The following EDIL3 variants were observed in gnomAD, a reference collection of about 807,000 sequenced individuals.
The protein encoded by EDIL3 is EGF like and discoidin domains 3.
In EDIL3, 37 loss-of-function variants were observed where a neutral mutation model predicts 67.4. The ratio of observed to expected loss-of-function variants is 0.55; its 90% CI spans 0.42 to 0.72. EDIL3 has a LOEUF of 0.72. Ranked by LOEUF, EDIL3 falls within the 30% of genes least tolerant of loss-of-function variation. The probability of loss-of-function intolerance (pLI) is 0.00; values close to 1 mark genes in which losing one functional copy is unlikely to be tolerated. For missense variants in EDIL3, 527 were observed against 586.3 expected, an observed-to-expected ratio of 0.90 and a Z score of 1.04; for synonymous variants, 195 against 196.3, an observed-to-expected ratio of 0.99 and a Z score of 0.05.
intron 4 of EDIL3, among the ~76,000 whole-genome samples, chr5:84,173,543 G>A (rs955320892): frequency 7.9e-5 from 12 of 152,212 alleles, no homozygotes; most frequent in African/African-American, 2.9e-4. Context: ...CTGTAGAATT[G>A]GTGGAGCTAA....
intron 2 of EDIL3, among the ~76,000 whole-genome samples, chr5:84,230,381 AG>A (rs1311408510): frequency 1.1e-4 from 17 of 151,882 alleles, no homozygotes; most frequent in Admixed American, 1.1e-3. Flanking sequence ...ATTAAACTTC[AG>A]GGTGACTCAA....
At chr5:84,050,490 G>C (rs1401221409) in intron 9 of EDIL3, among the ~76,000 whole-genome samples, 2 of 152,190 alleles carry the variant, frequency 1.3e-5, no homozygotes, top group African/African-American at 4.8e-5. Flanking sequence ...GCAGTGCACT[G>C]AGCGTGAGCT....
At chr5:84,271,458 AATAT>A (rs1201163341) in intron 1 of EDIL3, among the ~76,000 whole-genome samples, 24 of 147,380 alleles carry the variant, frequency 1.6e-4, no homozygotes, top group African/African-American at 5.3e-4. Flanking sequence ...TAAATAAATA[AATAT>A]AAAATAAAGG....
intron 1 of EDIL3, among the ~76,000 whole-genome samples, chr5:84,301,457 A>G (rs763155582): frequency 1.3e-5 from 2 of 152,160 alleles, no homozygotes; most frequent in Non-Finnish European, 2.9e-5. Flanking sequence ...ATCAAGTCCT[A>G]TGTAATGGAG....
At chr5:84,010,070 T>C (rs1745491241) in intron 9 of EDIL3, among the ~76,000 whole-genome samples, 1 of 152,204 alleles carries the variant, frequency 6.6e-6, no homozygotes, top group Non-Finnish European at 1.5e-5. Flanking sequence ...CAAAGCACAG[T>C]GTGGCAGATG....
chr5:84,114,803 G>A (rs1024697262), intron 5 of EDIL3, among the ~76,000 whole-genome samples: 3 of 152,038 alleles, frequency 2.0e-5, no homozygotes, highest in Non-Finnish European at 4.4e-5. Context: ...GTGGTATTTC[G>A]CTGGGAAAAC....
intron 2 of EDIL3, among the ~76,000 whole-genome samples, chr5:84,252,125 A>T (rs1461470678): frequency 1.3e-5 from 2 of 152,198 alleles, no homozygotes; most frequent in Non-Finnish European, 2.9e-5. Flanking sequence ...CCATAGTATC[A>T]GTCTTCAGAT....
At chr5:84,270,632 C>T (rs534652770) in intron 1 of EDIL3, among the ~76,000 whole-genome samples, 2 of 152,206 alleles carry the variant, frequency 1.3e-5, no homozygotes, top group South Asian at 2.1e-4. Flanking sequence ...CCACTAAGAA[C>T]GAATCATGTG....
chr5:84,232,202 C>G (rs996879773), intron 2 of EDIL3, among the ~76,000 whole-genome samples: 12 of 152,120 alleles, frequency 7.9e-5, no homozygotes, highest in African/African-American at 2.9e-4. Flanking sequence ...AGTAGTTATG[C>G]TCCTAATAAT....
intron 3 of EDIL3, among the ~76,000 whole-genome samples, chr5:84,180,931 G>A (rs1473157018): frequency 6.6e-6 from 1 of 152,116 alleles, no homozygotes; most frequent in Admixed American, 6.6e-5. Flanking sequence ...TACCTTCTGG[G>A]TGTTTAAAAA....
At chr5:84,369,806 G>GT (rs1422947423) in intron 1 of EDIL3, among the ~76,000 whole-genome samples, 2 of 152,114 alleles carry the variant, frequency 1.3e-5, no homozygotes, top group Non-Finnish European at 2.9e-5. Flanking sequence ...CCCAAACGCT[G>GT]TATGATATGA....
chr5:83,957,063 GT>G, intron 10 of EDIL3, among the ~76,000 whole-genome samples: 1 of 151,792 alleles, frequency 6.6e-6, no homozygotes, highest in Admixed American at 6.6e-5. Flanking sequence ...GAATCCTAGT[GT>G]TTTGTATAAA....
intron 2 of EDIL3, among the ~76,000 whole-genome samples, chr5:84,252,822 A>G (rs192913587): frequency 9.8e-5 from 15 of 152,286 alleles, no homozygotes. Flanking sequence ...TGGTTACAAC[A>G]GTTTTATTTC....
At chr5:84,347,174 C>T (rs1007804384) in intron 1 of EDIL3, among the ~76,000 whole-genome samples, 32 of 152,080 alleles carry the variant, frequency 2.1e-4, no homozygotes, top group African/African-American at 7.0e-4. Context: ...ATGTTCTGTC[C>T]TAGGCAGAGT....
At chr5:84,323,294 C>T (rs1287131329) in intron 1 of EDIL3, among the ~76,000 whole-genome samples, 1 of 151,876 alleles carries the variant, frequency 6.6e-6, no homozygotes, top group Non-Finnish European at 1.5e-5. Context: ...GTGGTGATGA[C>T]TACACTGTAA....
intron 9 of EDIL3, among the ~76,000 whole-genome samples, chr5:84,021,242 A>T (rs1212683125): frequency 3.4e-5 from 5 of 148,294 alleles, no homozygotes; most frequent in Non-Finnish European, 7.5e-5. Context: ...TATCTTCATC[A>T]TGTCTTTCTT....
At chr5:84,356,146 T>C (rs1010225473) in intron 1 of EDIL3, among the ~76,000 whole-genome samples, 6 of 152,180 alleles carry the variant, frequency 3.9e-5, no homozygotes, top group African/African-American at 1.2e-4. Context: ...TTGGGAAGTG[T>C]AGCTTCACAT....
rs185510770 is a variant in EDIL3, at chr5:84,215,425, T to C, written c.226+14430A>G. On this transcript the variant is annotated intron_variant, in intron 3 of 10. Coordinates refer to ENST00000296591, the MANE Select transcript of EDIL3 (RefSeq NM_005711.5). ...CCCGCCACCACACCTGGCTAATTTT[T>C]TGTATTTTAGTAGAGATGGGGCTTC... Among the ~76,000 whole-genome samples the C allele has an allele frequency of 1.1e-3, 164 of 152,214 alleles. 1 individual carries two copies. Among genetic ancestry groups the C allele is most frequent in the African/African-American group, 3.7e-3 (154 of 41,552 alleles).
intron 9 of EDIL3, among the ~76,000 whole-genome samples, chr5:83,988,061 C>T (rs2112156223): frequency 6.6e-6 from 1 of 152,078 alleles, no homozygotes; most frequent in Middle Eastern, 3.4e-3. Context: ...CTGTACTTGC[C>T]TTTTCCCATT....
Sources: allele counts gnomAD v4.1 joint callset (sites outside exome capture counted in the v4.1 genomes callset), GRCh38; gene constraint gnomAD v4.1.1; transcripts MANE v1.5; gene names NCBI Gene and HGNC (gene_info 2026-07-23, HGNC 2026-07-21).